PTPRD: variants seen among roughly 807,000 people sequenced by gnomAD.
The protein encoded by PTPRD is receptor-type tyrosine-protein phosphatase delta.
PTPRD carries 34 observed loss-of-function variants against 214.5 expected under a neutral mutation model. That is an observed-to-expected ratio of 0.16 (90% CI 0.12 to 0.21). The LOEUF (loss-of-function observed/expected upper bound fraction) is 0.21, where lower values mean the gene tolerates loss of function less well. Ranked by LOEUF, PTPRD falls within the 10% of genes least tolerant of loss-of-function variation. The pLI, the probability that PTPRD is intolerant of heterozygous loss-of-function variation, is 1.00. For synonymous variants in PTPRD, 1,128 were observed against 845.7 expected, an observed-to-expected ratio of 1.33 and a Z score of -5.79; for missense variants, 2,545 against 2,398.7, an observed-to-expected ratio of 1.06 and a Z score of -1.27.
intron 7 of PTPRD, among the ~76,000 whole-genome samples, chr9:9,694,115 C>T (rs2097326373): frequency 6.6e-6 from 1 of 152,138 alleles, no homozygotes; most frequent in African/African-American, 2.4e-5. Flanking sequence ...TTATTCAGTT[C>T]ATCTGGTGAG....
chr9:10,013,446 CCTT>C lies in PTPRD; in HGVS notation c.-472+20269_-472+20271del, dbSNP rs369017684. ...AAACACTTAAGACTATATAGGTACT[CCTT>C]ATTTCCTCTTATAACAAGCCATACC... On this transcript the variant is annotated intron_variant, in intron 4 of 45. Coordinates refer to ENST00000381196, the MANE Select transcript of PTPRD (RefSeq NM_002839.4). Among the ~76,000 whole-genome samples, 152 of 151,866 alleles carry C rather than the reference CCTT, an allele frequency of 1.0e-3. 2 individuals carry two copies. The highest frequency in any genetic ancestry group is 2.0e-3 in the Admixed American group (31 of 15,238).
chr9:9,433,227 G>A (rs753453745), intron 8 of PTPRD, among the ~76,000 whole-genome samples: 1 of 152,134 alleles, frequency 6.6e-6, no homozygotes, highest in Admixed American at 6.6e-5. Context: ...TCGAGATGCC[G>A]ATACACTTAA....
At chr9:9,349,781 T>A (rs1237615074) in intron 9 of PTPRD, among the ~76,000 whole-genome samples, 1 of 151,824 alleles carries the variant, frequency 6.6e-6, no homozygotes, top group Non-Finnish European at 1.5e-5. Flanking sequence ...CTATAAATAA[T>A]TGTAAATATG....
At chr9:8,750,263 T>A (rs1322475270) in intron 11 of PTPRD, among the ~76,000 whole-genome samples, 2 of 151,940 alleles carry the variant, frequency 1.3e-5, no homozygotes, top group Non-Finnish European at 2.9e-5. Flanking sequence ...GTTCAAGCGA[T>A]TCTTCTGCCT....
chr9:9,689,606 G>A (rs1055789078), intron 7 of PTPRD, among the ~76,000 whole-genome samples: 8 of 151,376 alleles, frequency 5.3e-5, no homozygotes, highest in Non-Finnish European at 1.2e-4. Context: ...TGTATTTTTT[G>A]TTTTACTATT....
At chr9:9,271,682 T>C (rs1266376406) in intron 9 of PTPRD, among the ~76,000 whole-genome samples, 1 of 151,414 alleles carries the variant, frequency 6.6e-6, no homozygotes, top group Non-Finnish European at 1.5e-5. Context: ...TTAAATATGT[T>C]GGTATTTTGC....
intron 7 of PTPRD, among the ~76,000 whole-genome samples, chr9:9,634,801 T>C (rs1012360952): frequency 1.3e-5 from 2 of 152,186 alleles, no homozygotes; most frequent in African/African-American, 4.8e-5. Context: ...AACATCCCAC[T>C]GTGTTAATGG....
chr9:9,227,595 C>G (rs1342164304), intron 9 of PTPRD, among the ~76,000 whole-genome samples: 2 of 152,086 alleles, frequency 1.3e-5, no homozygotes, highest in African/African-American at 4.8e-5. Flanking sequence ...GAATAAAGCT[C>G]AAGTAATCAT....
chr9:10,094,540 T>TCC (rs2098464240), intron 3 of PTPRD, among the ~76,000 whole-genome samples: 2 of 21,782 alleles, frequency 9.2e-5, no homozygotes, highest in Non-Finnish European at 1.3e-4. Flanking sequence ...TCTTTCTTTC[T>TCC]TTTTTTTTTT....
At chr9:10,379,339 A>G (rs901979307) in intron 2 of PTPRD, among the ~76,000 whole-genome samples, 1 of 151,766 alleles carries the variant, frequency 6.6e-6, no homozygotes, top group Non-Finnish European at 1.5e-5. Flanking sequence ...TTCCTTTCCA[A>G]TTTAGATGAA....
chr9:8,458,495 T>G (rs1424265521), intron 33 of PTPRD, among the ~76,000 whole-genome samples: 1 of 152,092 alleles, frequency 6.6e-6, no homozygotes, highest in Non-Finnish European at 1.5e-5. Flanking sequence ...CTGTCAACAA[T>G]CCCTTGTTTT....
At chr9:9,815,084 C>G (rs897985396) in intron 5 of PTPRD, among the ~76,000 whole-genome samples, 1 of 152,032 alleles carries the variant, frequency 6.6e-6, no homozygotes, top group African/African-American at 2.4e-5. Flanking sequence ...AAGCTTGATG[C>G]ACTACATTTC....
intron 2 of PTPRD, among the ~76,000 whole-genome samples, chr9:10,416,775 T>G (rs1387638859): frequency 6.6e-6 from 1 of 151,810 alleles, no homozygotes; most frequent in Non-Finnish European, 1.5e-5. Flanking sequence ...TTTGGGGGAC[T>G]GGCTGAAGGT....
At chr9:8,504,846 A>G (rs761688602) in intron 22 of PTPRD, among the ~76,000 whole-genome samples, 8 of 152,216 alleles carry the variant, frequency 5.3e-5, no homozygotes, top group Non-Finnish European at 8.8e-5. Context: ...TGACCTTCTG[A>G]AATCTCAATT....
chr9:9,801,228 G>A (rs1362054482), intron 5 of PTPRD, among the ~76,000 whole-genome samples: 2 of 151,886 alleles, frequency 1.3e-5, no homozygotes, highest in Non-Finnish European at 2.9e-5. Context: ...TCATAGAAAG[G>A]AAAATGCTTT....
chr9:9,390,802 A>T (rs137910067), intron 9 of PTPRD, among the ~76,000 whole-genome samples: 1 of 152,166 alleles, frequency 6.6e-6, no homozygotes, highest in African/African-American at 2.4e-5. Context: ...AAGAGTTATT[A>T]ATACATTAGT....
intron 39 of PTPRD, among the ~76,000 whole-genome samples, chr9:8,356,277 T>C (rs1004616778): frequency 2.0e-5 from 3 of 152,056 alleles, no homozygotes; most frequent in African/African-American, 7.2e-5. Flanking sequence ...CTAAAAGTAT[T>C]TTTCCAAAGA....
intron 2 of PTPRD, among the ~76,000 whole-genome samples, chr9:10,455,466 T>C (rs1002515940): frequency 6.6e-6 from 1 of 151,736 alleles, no homozygotes; most frequent in Non-Finnish European, 1.5e-5. Context: ...CATACTTACA[T>C]GTCCAATGAC....
intron 10 of PTPRD, among the ~76,000 whole-genome samples, chr9:9,045,212 A>T (rs1043211169): frequency 2.6e-5 from 4 of 152,156 alleles, no homozygotes; most frequent in African/African-American, 9.6e-5. Flanking sequence ...AAGGAAGGTG[A>T]CGTTATGAAT....
Sources: gnomAD v4.1 joint callset for allele counts (sites outside exome capture counted in the v4.1 genomes callset) on GRCh38, gnomAD v4.1.1 for gene constraint, MANE v1.5 for transcripts, NCBI Gene and HGNC (gene_info 2026-07-23, HGNC 2026-07-21) for gene names.